Variants in POFUT3 observed in about 807,000 individuals in gnomAD.
POFUT3 encodes the protein GDP-fucose protein O-fucosyltransferase 3.
the POFUT3 span, among the ~76,000 whole-genome samples, chr8:33,379,349 T>C: frequency 2.0e-5 from 3 of 151,382 alleles, no homozygotes; most frequent in Non-Finnish European, 4.4e-5. Flanking sequence ...ACATAAACAT[T>C]GATCTTGGTC....
chr8:33,417,638 G>A, the POFUT3 span, among the ~76,000 whole-genome samples: 2 of 152,148 alleles, frequency 1.3e-5, no homozygotes, highest in African/African-American at 4.8e-5. Flanking sequence ...AGCAGGGTTA[G>A]GGAACAACAA....
At chr8:33,394,424 G>A in the POFUT3 span, among the ~76,000 whole-genome samples, 5 of 151,952 alleles carry the variant, frequency 3.3e-5, no homozygotes, top group South Asian at 2.1e-4. Context: ...AATCCTGTTC[G>A]AAGTCTTACC....
chr8:33,411,788 C>A, the POFUT3 span, among the ~76,000 whole-genome samples: 1,637 of 150,176 alleles, frequency 0.011, 31 homozygotes, highest in African/African-American at 0.038. Context: ...AACTCCATCT[C>A]AAAAAAAAAT....
chr8:33,389,823 A>G, the POFUT3 span: 1 of 1,500,818 alleles, frequency 6.7e-7, no homozygotes, highest in South Asian at 1.1e-5. Flanking sequence ...TGAGATATTA[A>G]TTAGTATTTC....
the POFUT3 span, among the ~76,000 whole-genome samples, chr8:33,416,062 T>A: frequency 6.6e-6 from 1 of 152,102 alleles, no homozygotes; most frequent in Non-Finnish European, 1.5e-5. Flanking sequence ...ATTTATTTAA[T>A]CAAAGAAATG....
At chr8:33,442,748 C>T in the POFUT3 span, among the ~76,000 whole-genome samples, 3 of 152,098 alleles carry the variant, frequency 2.0e-5, no homozygotes, top group Non-Finnish European at 4.4e-5. Context: ...GCATGAGCCA[C>T]CATTCCTGGC....
chr8:33,455,645 C>CA, the POFUT3 span: 1 of 283,192 alleles, frequency 3.5e-6, no homozygotes, highest in Non-Finnish European at 7.1e-6. Flanking sequence ...GAAACAAATA[C>CA]AGCGTTAAAG....
the POFUT3 span, among the ~76,000 whole-genome samples, chr8:33,309,171 T>A: frequency 0.12 from 6,326 of 52,184 alleles, 399 homozygotes; most frequent in Non-Finnish European, 0.17. Flanking sequence ...AAAAAAAATA[T>A]ATATATATAT....
the POFUT3 span, among the ~76,000 whole-genome samples, chr8:33,352,836 A>G: frequency 6.6e-6 from 1 of 152,226 alleles, no homozygotes; most frequent in African/African-American, 2.4e-5. Context: ...GGCTATCCTC[A>G]TATCAGATTA....
At chr8:33,461,885 C>T in the POFUT3 span, among the ~76,000 whole-genome samples, 1 of 151,682 alleles carries the variant, frequency 6.6e-6, no homozygotes, top group Non-Finnish European at 1.5e-5. Flanking sequence ...CAAGGCTGGG[C>T]GTGATGGCTC....
At chr8:33,471,464 C>T in the POFUT3 span, among the ~76,000 whole-genome samples, 1 of 152,022 alleles carries the variant, frequency 6.6e-6, no homozygotes, top group Non-Finnish European at 1.5e-5. Context: ...ATTGGCCAGG[C>T]TGGTCTAGAA....
chr8:33,415,937 T>C, the POFUT3 span, among the ~76,000 whole-genome samples: 5 of 152,196 alleles, frequency 3.3e-5, no homozygotes, highest in African/African-American at 1.2e-4. Flanking sequence ...TTTAGTGCCT[T>C]ACTCTAAAAT....
At chr8:33,349,239 T>C in the POFUT3 span, among the ~76,000 whole-genome samples, 1 of 152,212 alleles carries the variant, frequency 6.6e-6, no homozygotes. Flanking sequence ...CCTGGGCAAG[T>C]AGCCATGCAA....
chr8:33,417,070 C>T, the POFUT3 span, among the ~76,000 whole-genome samples: 1 of 152,076 alleles, frequency 6.6e-6, no homozygotes, highest in Middle Eastern at 3.2e-3. Context: ...CAGCCACTCC[C>T]CAGCGCTGGC....
the POFUT3 span, among the ~76,000 whole-genome samples, chr8:33,438,086 G>A: frequency 2.0e-5 from 3 of 152,140 alleles, no homozygotes; most frequent in Non-Finnish European, 2.9e-5. Context: ...ATTTACTGAC[G>A]TTTTTATACC....
At chr8:33,406,216 A>G in the POFUT3 span, among the ~76,000 whole-genome samples, 1 of 152,178 alleles carries the variant, frequency 6.6e-6, no homozygotes, top group African/African-American at 2.4e-5. Flanking sequence ...AATGAAGTCA[A>G]TAGATATATT....
chr8:33,334,101 C>T, the POFUT3 span, among the ~76,000 whole-genome samples: 5 of 152,116 alleles, frequency 3.3e-5, no homozygotes, highest in African/African-American at 1.2e-4. Flanking sequence ...TGAAAGTTAC[C>T]ATTTTATCTT....
chr8:33,319,917 T>C, the POFUT3 span, among the ~76,000 whole-genome samples: 2 of 148,982 alleles, frequency 1.3e-5, no homozygotes, highest in Non-Finnish European at 3.0e-5. Context: ...GATCAGCTCT[T>C]GGCACTGACA....
At chr8:33,375,458 A>G in the POFUT3 span, among the ~76,000 whole-genome samples, 3 of 152,186 alleles carry the variant, frequency 2.0e-5, no homozygotes, top group Non-Finnish European at 4.4e-5. Flanking sequence ...GATCCCTTCC[A>G]TAAGATCAAG....
Sources: gnomAD v4.1 joint callset for allele counts (sites outside exome capture counted in the v4.1 genomes callset) on GRCh38, gnomAD v4.1.1 for gene constraint, MANE v1.5 for transcripts, NCBI Gene and HGNC (gene_info 2026-07-23, HGNC 2026-07-21) for gene names.